Variants in ATP13A5 observed in about 807,000 individuals in gnomAD.
ATP13A5 encodes probable cation-transporting ATPase 13A5.
Under a neutral mutation model 150.2 loss-of-function variants are expected in ATP13A5, and 149 were observed. That is an observed-to-expected ratio of 0.99 (90% confidence interval 0.87 to 1.14). The LOEUF (loss-of-function observed/expected upper bound fraction) is 1.14, where lower values mean the gene tolerates loss of function less well. ATP13A5 is among the 50% of genes most tolerant of loss of function. ATP13A5 has a pLI of 0.00. For synonymous variants in ATP13A5, 497 were observed against 522.2 expected, an observed-to-expected ratio of 0.95 and a Z score of 0.66; for missense variants, 1,383 against 1,449.3, an observed-to-expected ratio of 0.95 and a Z score of 0.74.
At chr3:193,304,825 A>G (rs796846075) in intron 23 of ATP13A5, among the ~76,000 whole-genome samples, 9 of 152,310 alleles carry the variant, frequency 5.9e-5, no homozygotes, top group African/African-American at 2.2e-4. Context: ...TAATTGACTT[A>G]CAATTCCACA....
At chr3:193,322,609 G>A (rs1471890505) in intron 14 of ATP13A5, 35 bp from the exon 15 acceptor site, 19 of 1,390,764 alleles carry the variant, frequency 1.4e-5, no homozygotes, top group Non-Finnish European at 1.8e-5. Flanking sequence ...AAGATTCTTT[G>A]AATAAAAATA....
chr3:193,360,267 C>T (rs1560149733), intron 5 of ATP13A5, among the ~76,000 whole-genome samples: 2 of 151,840 alleles, frequency 1.3e-5, no homozygotes, highest in East Asian at 3.9e-4. Flanking sequence ...GCTTTCGCTA[C>T]TGAAAAGTGA....
At position 193,343,991 on chromosome 3, in the gene ATP13A5, A is replaced by G. The variant is rs780663155; in HGVS notation, c.879T>C (p.Phe293=). The stretch of plus-strand genomic sequence containing the variant: ...TCAAAACAGCATCACATGGCAATGA[A>G]AATTTTCCTGGAAGAATAAGAATGT... The part of the protein sequence containing the change: ...PGDILILPGK[F]SLPCDAVLID... The change falls in exon 9 of 30, where the codon TTT becomes TTC. Residue 293 remains phenylalanine (F), a synonymous_variant. Coordinates refer to ENST00000342358, the MANE Select transcript of ATP13A5 (RefSeq NM_198505.4). 2 of 1,613,552 alleles carry G rather than the reference A, an allele frequency of 1.2e-6. No individual in the cohort carries two copies. Among genetic ancestry groups the G allele is most frequent in the Admixed American group, 3.3e-5 (2 of 59,954 alleles).
intron 11 of ATP13A5, among the ~76,000 whole-genome samples, chr3:193,333,194 C>T (rs961245066): frequency 3.3e-5 from 5 of 151,214 alleles, no homozygotes; most frequent in African/African-American, 7.3e-5. Context: ...CACACACACA[C>T]GCTCATTGAT....
chr3:193,326,994 A>G lies in ATP13A5; in HGVS notation c.1523+2T>C, dbSNP rs1193146293. ...CCTTCCATTTTCACATAAGAGGCCT[A>G]CCAGTTGTCAGCAGTAGGGACAGTC... is the stretch of plus-strand genomic sequence containing the variant. On this transcript the variant is annotated splice_donor_variant, in intron 13 of 29. Coordinates refer to ENST00000342358, the MANE Select transcript of ATP13A5 (RefSeq NM_198505.4). LOFTEE classifies it high-confidence loss of function. 6.2e-7 allele frequency: 1 copy of G among 1,613,672 alleles called. No individual in the cohort carries two copies. The highest frequency in any genetic ancestry group is 8.5e-7 in the Non-Finnish European group (1 of 1,179,770).
At chr3:193,276,587 T>TC (rs1717213548) in intron 29 of ATP13A5, among the ~76,000 whole-genome samples, 163 bp downstream of exon 29, 1 of 152,100 alleles carries the variant, frequency 6.6e-6, no homozygotes, top group African/African-American at 2.4e-5. Context: ...TTTAAATCAT[T>TC]CCCCCCAAAA....
Position 193,305,550 on chromosome 3 carries a change from A to G in ATP13A5, c.2678+9T>C. 7 of 1,611,018 alleles carry G rather than the reference A, an allele frequency of 4.3e-6. No individual in the cohort carries two copies. Among genetic ancestry groups the G allele is most frequent in the Non-Finnish European group, 5.9e-6 (7 of 1,177,276 alleles). On this transcript the variant is annotated intron_variant, in intron 23 of 29. Transcript: ENST00000342358. ...GATTGTAGGGCTGGAAGAGGAAAAA[A>G]TGACTTACCTGATGAGATGAGGCAC... is the stretch of plus-strand genomic sequence containing the variant.
chr3:193,317,573 A>G (rs1489238965), intron 17 of ATP13A5, among the ~76,000 whole-genome samples: 3 of 152,048 alleles, frequency 2.0e-5, no homozygotes, highest in African/African-American at 7.2e-5. Flanking sequence ...AAACTTTTCT[A>G]CTTCCCCATT....
In ATP13A5 at chr3:193,354,208, TGATCATCCATTAGTGTCATAGCTACAAGC is replaced by T; in HGVS notation, c.537-41_537-13del. ...CACACACTAATCTTCTGCGGGAAAT[TGATCATCCATTAGTGTCATAGCTACAAGC>T]ACATGATAAGTGACTACAGGCCAAA... On this transcript the variant is annotated splice_polypyrimidine_tract_variant and intron_variant, in intron 5 of 29. Transcript: ENST00000342358. The T allele has an allele frequency of 6.2e-7, 1 of 1,608,840 alleles. No homozygotes were observed. The highest frequency in any genetic ancestry group is 1.1e-5 in the South Asian group (1 of 89,498).
chr3:193,368,170 A>G (rs1179630205), intron 1 of ATP13A5, among the ~76,000 whole-genome samples: 2 of 152,208 alleles, frequency 1.3e-5, no homozygotes, highest in African/African-American at 4.8e-5. Flanking sequence ...TTGTGTTTGT[A>G]TATATTAGTA....
chr3:193,319,217 G>A (rs1719169351), intron 16 of ATP13A5, 109 bp from the exon 17 acceptor site: 1 of 757,652 alleles, frequency 1.3e-6, no homozygotes. Context: ...TTCCATAAAA[G>A]CACTTTAATA....
rs141636662 is a variant in ATP13A5, at chr3:193,331,133, C to T, written c.1451G>A (p.Cys484Tyr). ...AAGTCTGGATCATACTTTGTCAAAG[C>T]ACACGAGGTTTATTTGCCCACACAT... is the stretch of plus-strand genomic sequence containing the variant. ...INMCGQINLVCFDKTGTLTED... is the reference protein window; with the variant it reads ...INMCGQINLVYFDKTGTLTED... Residue 484 changes from cysteine to tyrosine, a missense_variant, in exon 12 of 30, where the codon TGC becomes TAC. This residue lies in a region of ATP13A5 where 787 missense variants were observed against 771.9 expected (regional missense o/e 1.02). Transcript: ENST00000342358. 4.4e-5 allele frequency: 71 copies of T among 1,613,590 alleles called. No individual in the cohort carries two copies. The African/African-American group carries it at 8.5e-4, about 19-fold the overall frequency.
In ATP13A5 at chr3:193,298,435, G is replaced by T. The variant is rs1383411855; in HGVS notation, c.2848+696C>A. ...GATACATAAAACATATCAGTTTTAT[G>T]TACTAAGGTGCTACATGAAATTCTC... On this transcript the variant is annotated intron_variant, in intron 25 of 29. Coordinates refer to ENST00000342358, the MANE Select transcript of ATP13A5 (RefSeq NM_198505.4). Among the ~76,000 whole-genome samples, 3 of 152,050 alleles carry T rather than the reference G, an allele frequency of 2.0e-5. No individual in the cohort carries two copies. In the South Asian group the frequency reaches 6.2e-4, roughly 32 times the overall value.
intron 7 of ATP13A5, among the ~76,000 whole-genome samples, chr3:193,350,331 T>C (rs1194452868): frequency 6.6e-6 from 1 of 152,148 alleles, no homozygotes; most frequent in African/African-American, 2.4e-5. Context: ...TCCCTTATAA[T>C]AATCATTCTT....
At chr3:193,290,126 A>T in intron 25 of ATP13A5, 67 bp from the exon 26 acceptor site, 1 of 1,458,868 alleles carries the variant, frequency 6.9e-7, no homozygotes, top group African/African-American at 1.4e-5. Flanking sequence ...TGAGATTGAG[A>T]TGCATATTAT....
intron 1 of ATP13A5, among the ~76,000 whole-genome samples, chr3:193,370,240 G>A (rs549665808): frequency 6.6e-5 from 10 of 152,266 alleles, no homozygotes; most frequent in South Asian, 6.2e-4. Context: ...ATATGCATGC[G>A]CTTTTTCACA....
At chr3:193,375,998 C>T (rs1203736268) in intron 1 of ATP13A5, among the ~76,000 whole-genome samples, 1 of 152,136 alleles carries the variant, frequency 6.6e-6, no homozygotes, top group Non-Finnish European at 1.5e-5. Context: ...AGAAGTTAGA[C>T]CGGGCCACAG....
chr3:193,276,336 C>T (rs1487657086), intron 29 of ATP13A5, among the ~76,000 whole-genome samples: 1 of 152,156 alleles, frequency 6.6e-6, no homozygotes, highest in Non-Finnish European at 1.5e-5. Context: ...AAGGAATTGA[C>T]TAGAATAAGC....
Position 193,321,723 on chromosome 3 carries a change from C to T in ATP13A5, c.1873G>A (p.Gly625Ser). ...AACCTGGCCACCATTTCTGGGGCACCTTTCATGTAGACATGGAAATGATTC... is the reference window on the plus strand; with the variant it reads ...AACCTGGCCACCATTTCTGGGGCACTTTTCATGTAGACATGGAAATGATTC... Reference protein sequence around the residue: ...GENHFHVYMKGAPEMVARFCR... With the variant: ...GENHFHVYMKSAPEMVARFCR... Residue 625 changes from glycine (G) to serine (S), a missense_variant, in exon 16 of 30, where the codon GGT (glycine) becomes AGT (serine). Physicochemically the swap from Gly to Ser is moderately conservative, Grantham distance 56 (BLOSUM62 0). Around this residue, in one of 3 missense-constraint regions of ATP13A5, gnomAD observed 787 missense variants for 771.9 expected, o/e 1.02. Transcript: ENST00000342358. 6.2e-7 allele frequency: 1 copy of T among 1,614,188 alleles called. No individual in the cohort carries two copies. Among genetic ancestry groups the T allele is most frequent in the Admixed American group, 1.7e-5 (1 of 60,012 alleles).
Sources: gnomAD v4.1 joint callset for allele counts (sites outside exome capture counted in the v4.1 genomes callset) on GRCh38, gnomAD v4.1.1 for gene constraint, gnomAD v4.1.1 regional missense constraint, MANE v1.5 for transcripts, NCBI Gene and HGNC (gene_info 2026-07-23, HGNC 2026-07-21) for gene names.